Variants in WWOX observed in about 807,000 individuals in gnomAD.
The protein encoded by WWOX is WW domain-containing oxidoreductase.
Under a neutral mutation model 46.2 loss-of-function variants are expected in WWOX, and 69 were observed. That is an observed-to-expected ratio of 1.49 (90% CI 1.23 to 1.82). The LOEUF (loss-of-function observed/expected upper bound fraction) is 1.82, where lower values mean the gene tolerates loss of function less well. WWOX is among the 40% of genes most tolerant of loss of function. WWOX has a pLI of 0.00. For synonymous variants in WWOX, 359 were observed against 202.6 expected (o/e 1.77, Z -6.56); for missense variants, 919 against 542.6 (o/e 1.69, Z -6.89).
At chr16:78,694,586 C>G (rs1231137303) in intron 8 of WWOX, among the ~76,000 whole-genome samples, 1 of 152,172 alleles carries the variant, frequency 6.6e-6, no homozygotes, top group Non-Finnish European at 1.5e-5. Context: ...ACTAGAAACA[C>G]AGTAAATCCA....
chr16:79,068,200 A>G (rs541454859), intron 8 of WWOX, among the ~76,000 whole-genome samples: 2 of 152,330 alleles, frequency 1.3e-5, no homozygotes, highest in Admixed American at 1.3e-4. Context: ...TGTAATCCTT[A>G]TAAAAATAGT....
intron 4 of WWOX, among the ~76,000 whole-genome samples, chr16:78,153,878 G>T (rs1272371419): frequency 1.3e-5 from 2 of 152,104 alleles, no homozygotes; most frequent in African/African-American, 2.4e-5. Context: ...CTGGCATCGG[G>T]GAAAGAAGCT....
At chr16:78,475,453 G>T (rs1484655731) in intron 8 of WWOX, among the ~76,000 whole-genome samples, 2 of 152,184 alleles carry the variant, frequency 1.3e-5, no homozygotes, top group East Asian at 1.9e-4. Flanking sequence ...TTGCAGAAGA[G>T]AATAAGGTGT....
intron 8 of WWOX, among the ~76,000 whole-genome samples, chr16:79,052,005 C>T (rs376969696): frequency 6.6e-5 from 10 of 151,552 alleles, no homozygotes; most frequent in African/African-American, 2.4e-4. Context: ...TTGTTCTCCT[C>T]TGCCTTTGCC....
intron 8 of WWOX, among the ~76,000 whole-genome samples, chr16:78,682,323 C>G (rs927786136): frequency 6.6e-6 from 1 of 152,146 alleles, no homozygotes; most frequent in African/African-American, 2.4e-5. Context: ...TTAAGTAGAG[C>G]CACTGAAAGA....
chr16:79,051,173 G>T (rs1442181219), intron 8 of WWOX, among the ~76,000 whole-genome samples: 2 of 152,148 alleles, frequency 1.3e-5, no homozygotes, highest in Non-Finnish European at 2.9e-5. Flanking sequence ...ACTTGAAGTT[G>T]GAGCCTGTTG....
At chr16:78,622,562 C>A (rs937828965) in intron 8 of WWOX, among the ~76,000 whole-genome samples, 1 of 151,630 alleles carries the variant, frequency 6.6e-6, no homozygotes, top group East Asian at 1.9e-4. Flanking sequence ...AAAAAGTGAA[C>A]CCTTGTAGTT....
chr16:79,116,086 T>G (rs1340141456), intron 8 of WWOX, among the ~76,000 whole-genome samples: 1 of 152,206 alleles, frequency 6.6e-6, no homozygotes, highest in African/African-American at 2.4e-5. Context: ...ATACCTTAAT[T>G]TTAAAATATT....
chr16:78,804,021 C>T lies in WWOX; in HGVS notation c.1056+371269C>T, dbSNP rs910289686. On this transcript the variant is annotated intron_variant, in intron 8 of 8. Transcript: ENST00000566780. ...TGAGATAGAAAGATAGAAACAGCCCCATCACTATGAGATGGAAACACTTCT... is the reference window on the plus strand; with the variant it reads ...TGAGATAGAAAGATAGAAACAGCCCTATCACTATGAGATGGAAACACTTCT... Among the ~76,000 whole-genome samples, 6 of 152,198 alleles carry T rather than the reference C, an allele frequency of 3.9e-5. No individual in the cohort carries two copies. The East Asian group carries it at 1.2e-3, about 29-fold the overall frequency.
chr16:78,794,525 A>G (rs564915871), intron 8 of WWOX, among the ~76,000 whole-genome samples: 1 of 152,208 alleles, frequency 6.6e-6, no homozygotes, highest in Non-Finnish European at 1.5e-5. Flanking sequence ...CAATTTTCTC[A>G]TCCAAAAAAA....
chr16:78,496,215 C>T (rs1597165950), intron 8 of WWOX: 1 of 152,206 alleles, frequency 6.6e-6, no homozygotes, highest in Admixed American at 6.5e-5. Flanking sequence ...TGAAACACGA[C>T]TTCTGTCCTC....
chr16:78,998,915 G>A (rs1243431484), intron 8 of WWOX, among the ~76,000 whole-genome samples: 1 of 152,202 alleles, frequency 6.6e-6, no homozygotes, highest in African/African-American at 2.4e-5. Flanking sequence ...GCCTATGCAT[G>A]TATAAATGTC....
chr16:78,869,638 A>C (rs1357691245), intron 8 of WWOX, among the ~76,000 whole-genome samples: 1 of 152,150 alleles, frequency 6.6e-6, no homozygotes. Flanking sequence ...TGGGTTACTG[A>C]TTCTGCGGTA....
intron 5 of WWOX, among the ~76,000 whole-genome samples, chr16:78,181,037 C>A (rs1025252240): frequency 6.6e-6 from 1 of 152,100 alleles, no homozygotes; most frequent in Non-Finnish European, 1.5e-5. Flanking sequence ...TTCTAATATC[C>A]TTCTTCCTTT....
intron 8 of WWOX, among the ~76,000 whole-genome samples, chr16:78,798,508 G>A (rs993133375): frequency 1.4e-4 from 21 of 151,270 alleles, no homozygotes; most frequent in African/African-American, 5.1e-4. Context: ...CTGTACTTGA[G>A]TCCTTAGACA....
chr16:78,610,525 C>T (rs943594231), intron 8 of WWOX, among the ~76,000 whole-genome samples: 5 of 152,150 alleles, frequency 3.3e-5, no homozygotes, highest in African/African-American at 1.2e-4. Context: ...GGGAAGGAAG[C>T]TGTCTTACCT....
At chr16:79,086,562 A>G (rs902001224) in intron 8 of WWOX, among the ~76,000 whole-genome samples, 1 of 152,116 alleles carries the variant, frequency 6.6e-6, no homozygotes, top group Non-Finnish European at 1.5e-5. Flanking sequence ...GGAGTTAGAG[A>G]CCTGACTCTG....
chr16:79,087,426 G>T (rs1247826908), intron 8 of WWOX, among the ~76,000 whole-genome samples: 1 of 152,204 alleles, frequency 6.6e-6, no homozygotes, highest in East Asian at 1.9e-4. Flanking sequence ...GTCACATTGG[G>T]TGGTTTGTAG....
chr16:78,501,563 G>A (rs961896723), intron 8 of WWOX, among the ~76,000 whole-genome samples: 1 of 150,930 alleles, frequency 6.6e-6, no homozygotes, highest in Admixed American at 6.6e-5. Flanking sequence ...TTGAGATGGA[G>A]TCTTCCTCTG....
Sources: allele counts gnomAD v4.1 joint callset (sites outside exome capture counted in the v4.1 genomes callset), GRCh38; gene constraint gnomAD v4.1.1; transcripts MANE v1.5; gene names NCBI Gene and HGNC (gene_info 2026-07-23, HGNC 2026-07-21).